LY9: variants seen among roughly 807,000 people sequenced by gnomAD.
The protein encoded by LY9 is T-lymphocyte surface antigen Ly-9.
LY9 carries 59 observed loss-of-function variants against 64.6 expected under a neutral mutation model. That is an observed-to-expected ratio of 0.91 (90% CI 0.74 to 1.13). The LOEUF is 1.13. LY9 is among the 50% of genes most tolerant of loss of function. The pLI is 0.00. For missense variants in LY9, 789 were observed against 797.2 expected (o/e 0.99, Z 0.12); for synonymous variants, 281 against 308.5 (o/e 0.91, Z 0.93).
At chr1:160,825,736 C>G (rs962104197) in intron 9 of LY9, among the ~76,000 whole-genome samples, 1 of 152,054 alleles carries the variant, frequency 6.6e-6, no homozygotes, top group African/African-American at 2.4e-5. Flanking sequence ...ATGGTAAAAC[C>G]CCATCTCTAC....
chr1:160,812,198 A>G (rs1166219021), intron 2 of LY9: 2 of 152,194 alleles, frequency 1.3e-5, no homozygotes, highest in Non-Finnish European at 2.9e-5. Flanking sequence ...ATGTCTTCAC[A>G]TGGGTGTCCC....
intron 5 of LY9, among the ~76,000 whole-genome samples, chr1:160,817,806 C>A (rs1040557473): frequency 2.0e-5 from 3 of 152,146 alleles, no homozygotes; most frequent in Admixed American, 6.5e-5. Flanking sequence ...GTACGGTCTA[C>A]CCAGGATCTG....
At chr1:160,802,336 G>C (rs1455593103) in intron 2 of LY9, 9 of 988,532 alleles carry the variant, frequency 9.1e-6, no homozygotes, top group South Asian at 4.6e-5. Context: ...CTGCAGGCGC[G>C]GGAGGCCATC....
At chr1:160,805,162 C>T (rs1306673726) in intron 2 of LY9, among the ~76,000 whole-genome samples, 2 of 151,888 alleles carry the variant, frequency 1.3e-5, no homozygotes, top group African/African-American at 2.4e-5. Context: ...TTTGTTCTTG[C>T]TTTTCTAGCT....
chr1:160,805,739 TCTCA>T lies in LY9; in HGVS notation c.454+5659_454+5662del, dbSNP rs1221922958. Among the ~76,000 whole-genome samples the T allele has an allele frequency of 2.4e-4, 27 of 111,950 alleles. 1 individual carries two copies. Among genetic ancestry groups the T allele is most frequent in the African/African-American group, 8.9e-4 (24 of 27,030 alleles). The allele number at this position is 111,950 out of a possible 152,430, so 73.4% of individuals were successfully genotyped here. ...TTCTGTTGCAGTCTCTCTCTCTCTGTCTCACACACACACACACACACACACACAC... is the reference window on the plus strand; with the variant it reads ...TTCTGTTGCAGTCTCTCTCTCTCTGTCACACACACACACACACACACACAC... On this transcript the variant is annotated intron_variant, in intron 2 of 9. Transcript: ENST00000263285.
chr1:160,796,301 C>G lies in LY9; in HGVS notation c.114C>G (p.Phe38Leu), dbSNP rs763695887. 1.5e-5 allele frequency: 25 copies of G among 1,613,028 alleles called. No individual in the cohort carries two copies. The highest frequency in any genetic ancestry group is 2.1e-5 in the Non-Finnish European group (25 of 1,179,848). ...CTGTTCTACAGACCTCTCTCCTCTT[C>G]CTGCTCATGGGTAAGTCCACTTTAT... ...FSSVLQTSLL[F>L]LLMGLRASGK... The change falls in exon 1 of 10, where the codon TTC becomes TTG. Residue 38 changes from phenylalanine to leucine, a missense_variant. Transcript: ENST00000263285.
chr1:160,800,083 G>A lies in LY9; in HGVS notation c.454+1G>A. 1 of 1,607,950 alleles carries A rather than the reference G, an allele frequency of 6.2e-7. No individual in the cohort carries two copies. The highest frequency in any genetic ancestry group is 8.5e-7 in the Non-Finnish European group (1 of 1,175,758). ...GAGGAATTCACCCTGTTCGTCTATG[G>A]TGAGTTCCAGAGAGCTTCTGTGTTT... is the stretch of plus-strand genomic sequence containing the variant. On this transcript the variant is annotated splice_donor_variant, in intron 2 of 9. Coordinates refer to ENST00000263285, the MANE Select transcript of LY9 (RefSeq NM_002348.4). LOFTEE classifies it high-confidence loss of function.
Position 160,799,958 on chromosome 1 carries a change from C to G in LY9, c.330C>G (p.Thr110=). The G allele has an allele frequency of 6.2e-7, 1 of 1,614,126 alleles. No homozygotes were observed. The highest frequency in any genetic ancestry group is 8.5e-7 in the Non-Finnish European group (1 of 1,179,990). The stretch of plus-strand genomic sequence containing the variant: ...GCTACCTGGGCCGACTAGACATCAC[C>G]AAGTGGAGTTACTCCCTGTGCATCA... ...VKSYLGRLDI[T]KWSYSLCISN... is the part of the protein sequence containing the mutation. The change falls in exon 2 of 10, where the codon ACC becomes ACG. Residue 110 remains threonine, a synonymous_variant. Coordinates refer to ENST00000263285, the MANE Select transcript of LY9 (RefSeq NM_002348.4).
chr1:160,827,922 C>T lies in LY9; in HGVS notation c.*106C>T. ...GACAGAAGCACCTCAGAATTTCCTTCAGTGCCTCAGAGATGCCTGGATGTG... is the reference window on the plus strand; with the variant it reads ...GACAGAAGCACCTCAGAATTTCCTTTAGTGCCTCAGAGATGCCTGGATGTG... On this transcript the variant is annotated 3_prime_UTR_variant, in exon 10 of 10. Coordinates refer to ENST00000263285, the MANE Select transcript of LY9 (RefSeq NM_002348.4). The T allele has an allele frequency of 1.2e-6, 1 of 832,490 alleles. No individual in the cohort carries two copies. The allele number at this position is 832,490 out of a possible 1,614,324, so 51.6% of individuals were successfully genotyped here.
intron 8 of LY9, 94 bp downstream of exon 8, chr1:160,823,890 G>T: frequency 1.8e-6 from 2 of 1,087,216 alleles, no homozygotes; most frequent in South Asian, 1.4e-5. Context: ...TGGGGGCTGG[G>T]GCCTGGAAAC....
At position 160,822,233 on chromosome 1, in the gene LY9, A is replaced by G. The variant is rs114306097; in HGVS notation, c.1499-1232A>G. Among the ~76,000 whole-genome samples, 1,077 of 151,612 alleles carry G rather than the reference A, an allele frequency of 7.1e-3. 10 individuals are homozygous for G. The highest frequency in any genetic ancestry group is 0.025 in the African/African-American group (1,027 of 40,948). On this transcript the variant is annotated intron_variant, in intron 7 of 9. Transcript: ENST00000263285. ...GAGAAACAGCTTCCTCTATAGAGGA[A>G]GGGGTCTCAGAGGGGTGGGGACCGG...
chr1:160,821,158 A>AAAAAAAAAAAAAAAAC (rs1668407548), intron 7 of LY9, among the ~76,000 whole-genome samples: 1 of 150,398 alleles, frequency 6.6e-6, no homozygotes, highest in Non-Finnish European at 1.5e-5. Flanking sequence ...TGCTAAAAAA[A>AAAAAAAAAAAAAAAAC]AAAAAAAAAA....
chr1:160,827,743 C>A lies in LY9; in HGVS notation c.1900-5C>A. 4 of 1,601,982 alleles carry A rather than the reference C, an allele frequency of 2.5e-6. No homozygotes were observed. Among genetic ancestry groups the A allele is most frequent in the Non-Finnish European group, 3.4e-6 (4 of 1,174,672 alleles). ...CATATTCTTTTGTGGATTTTTGGCT[C>A]ACAGGTGGTGCCACCACCACAACAG... is the stretch of plus-strand genomic sequence containing the variant. On this transcript the variant is annotated splice_polypyrimidine_tract_variant and splice_region_variant and intron_variant, in intron 9 of 9. Transcript: ENST00000263285.
At chr1:160,797,546 G>A (rs1490233045) in intron 1 of LY9, among the ~76,000 whole-genome samples, 1 of 152,172 alleles carries the variant, frequency 6.6e-6, no homozygotes, top group South Asian at 2.1e-4. Context: ...CATCCAAGCC[G>A]CAAATGATCA....
chr1:160,804,138 T>C (rs752315604), intron 2 of LY9, among the ~76,000 whole-genome samples: 2 of 152,264 alleles, frequency 1.3e-5, no homozygotes, highest in Non-Finnish European at 2.9e-5. Flanking sequence ...TGAATAAAAG[T>C]AGTGAAAGTG....
intron 2 of LY9, among the ~76,000 whole-genome samples, chr1:160,803,470 A>G (rs1334572664): frequency 6.6e-6 from 1 of 151,994 alleles, no homozygotes; most frequent in African/African-American, 2.4e-5. Flanking sequence ...TGATTTTTTC[A>G]TCAGTGTTTT....
intron 2 of LY9, among the ~76,000 whole-genome samples, chr1:160,808,051 C>CCTTGGA (rs983450370): frequency 9.2e-5 from 14 of 152,140 alleles, no homozygotes; most frequent in African/African-American, 3.4e-4. Flanking sequence ...GTGGCCACAG[C>CCTTGGA]CTTGGATGGC....
intron 6 of LY9, 35 bp from the exon 7 acceptor site, chr1:160,819,286 C>T (rs1339384982): frequency 1.3e-6 from 2 of 1,561,648 alleles, no homozygotes; most frequent in Non-Finnish European, 1.8e-6. Flanking sequence ...ACCTCACAGC[C>T]CTCTTGATAA....
At chr1:160,806,393 G>T (rs1157363463) in intron 2 of LY9, among the ~76,000 whole-genome samples, 1 of 152,074 alleles carries the variant, frequency 6.6e-6, no homozygotes, top group African/African-American at 2.4e-5. Context: ...GTCATCTTTT[G>T]CTTCTGGGTT....
Sources: gnomAD v4.1 joint callset for allele counts (sites outside exome capture counted in the v4.1 genomes callset) on GRCh38, gnomAD v4.1.1 for gene constraint, MANE v1.5 for transcripts, NCBI Gene and HGNC (gene_info 2026-07-23, HGNC 2026-07-21) for gene names.